The following CDHR4 variants were observed in gnomAD, a reference collection of about 807,000 sequenced individuals.
The protein encoded by CDHR4 is cadherin-related family member 4.
In CDHR4, 89 loss-of-function variants were observed where a neutral mutation model predicts 88.4. The observed-to-expected ratio is 1.01, with a 90% CI of 0.85 to 1.20. The LOEUF (loss-of-function observed/expected upper bound fraction) is 1.20. Among genes scored for constraint, CDHR4 ranks in the 50% most tolerant of loss-of-function variants. CDHR4 has a pLI of 0.00. For synonymous variants in CDHR4, 368 were observed against 399.2 expected, an observed-to-expected ratio of 0.92 and a Z score of 0.93; for missense variants, 914 against 1,007.2, an observed-to-expected ratio of 0.91 and a Z score of 1.25.
In CDHR4 at chr3:49,793,728, G is replaced by A. The variant is rs551873421; in HGVS notation, c.1484-6C>T. On this transcript the variant is annotated splice_region_variant and splice_polypyrimidine_tract_variant and intron_variant, in intron 11 of 18. Transcript: ENST00000412678. ...TCCCAGGAGGTGAACTTCCCCTAGA[G>A]GGGGAGACCACAGCTTCAGCCTGCA... The A allele has an allele frequency of 7.1e-6, 11 of 1,551,566 alleles. No homozygotes were observed. Among genetic ancestry groups the A allele is most frequent in the Middle Eastern group, 1.7e-4 (1 of 6,014 alleles).
chr3:49,794,801 T>C, intron 9 of CDHR4, 100 bp from the exon 10 acceptor site: 1 of 1,426,768 alleles, frequency 7.0e-7, no homozygotes, highest in East Asian at 2.5e-5. Context: ...ATATCTTGCC[T>C]GGATCCTGTT....
chr3:49,794,557 G>A, intron 10 of CDHR4, 51 bp downstream of exon 10: 11 of 1,406,782 alleles, frequency 7.8e-6, no homozygotes, highest in Non-Finnish European at 1.1e-5. Context: ...TGGGAAGCGG[G>A]AGGACAGAAC....
Position 49,795,683 on chromosome 3 carries a change from G to C in CDHR4, c.792C>G (p.Asp264Glu). The change falls in exon 7 of 19, where the codon GAC becomes GAG. Residue 264 changes from aspartate (D) to glutamate (E), a missense_variant. Coordinates refer to ENST00000412678, the MANE Select transcript of CDHR4 (RefSeq NM_001007540.4). This position sits in a 1 kb window ranked among gnomAD's most constrained non-coding sequence, Gnocchi z 5.4. ...CCGGAGACAGGATTTCATAGCGCAG[G>C]TCGACACCCCGGGCCTGGACCTGAA... ...EVVQVQARGV[D>E]LRYEILSPVP... The C allele has an allele frequency of 6.4e-7, 1 of 1,551,652 alleles. No homozygotes were observed. Among genetic ancestry groups the C allele is most frequent in the South Asian group, 1.2e-5 (1 of 84,058 alleles).
chr3:49,793,919 G>A lies in CDHR4; in HGVS notation c.1367C>T (p.Ala456Val), dbSNP rs753808280. ...APRTFRVQEDAAPHTLLGSVV... is the reference protein window; with the variant it reads ...APRTFRVQEDVAPHTLLGSVV... ...GGAGCCCAGTAGAGTGTGGGGCGCC[G>A]CATCCTCCTGAACCCGGAACGTGCG... The change falls in exon 11 of 19, where the codon GCG becomes GTG. Residue 456 changes from alanine (A) to valine (V), a missense_variant. By Grantham distance (64) the Ala-to-Val change is moderately conservative. Coordinates refer to ENST00000412678, the MANE Select transcript of CDHR4 (RefSeq NM_001007540.4). 168 of 1,551,664 alleles carry A rather than the reference G, an allele frequency of 1.1e-4. No individual in the cohort carries two copies. The Middle Eastern group carries it at 1.2e-3, about 11-fold the overall frequency.
chr3:49,795,839 C>A lies in CDHR4; in HGVS notation c.711-75G>T. On this transcript the variant is annotated intron_variant, in intron 6 of 18. Transcript: ENST00000412678. The surrounding 1 kb of genome is among the most constrained non-coding windows in gnomAD (Gnocchi z 5.4). ...GGGTCCACAGCTTCCTTCCCTGGGC[C>A]CCCTCCTGTCAGGGCTGGGACTCAG... The A allele has an allele frequency of 6.5e-7, 1 of 1,534,934 alleles. No homozygotes were observed. The highest frequency in any genetic ancestry group is 8.8e-7 in the Non-Finnish European group (1 of 1,136,940).
chr3:49,792,104 C>A (rs2081188067), intron 15 of CDHR4, 145 bp from the exon 16 acceptor site: 2 of 872,554 alleles, frequency 2.3e-6, no homozygotes. Context: ...TTTCCCTGGG[C>A]TCAGTCCTAT....
chr3:49,791,877 C>T, intron 16 of CDHR4, 26 bp downstream of exon 16: 1 of 1,551,648 alleles, frequency 6.4e-7, no homozygotes, highest in South Asian at 1.2e-5. Flanking sequence ...GGATCCCAGG[C>T]ATAGAAGTAT....
chr3:49,796,514 T>C (rs2081273003), intron 5 of CDHR4, among the ~76,000 whole-genome samples: 1 of 152,236 alleles, frequency 6.6e-6, no homozygotes, highest in South Asian at 2.1e-4. Flanking sequence ...TTTTTGTATT[T>C]TTAGTAGAGA....
chr3:49,795,628 C>T lies in CDHR4; in HGVS notation c.847G>A (p.Ala283Thr), dbSNP rs1345289714. 29 of 1,551,460 alleles carry T rather than the reference C, an allele frequency of 1.9e-5. No homozygotes were observed. The highest frequency in any genetic ancestry group is 2.4e-5 in the Non-Finnish European group (28 of 1,146,944). ...GCCCCCACCCCCCAACACCTCTCAC[C>T]ACGACCAATGGAGAAGAGTGGGCTG... ...VPSPLFSIGR[A>T]DGVVRTTTPL... Residue 283 changes from alanine to threonine, a missense_variant and splice_region_variant, in exon 7 of 19, where the codon GCA becomes ACA. Physicochemically the swap from Ala to Thr is moderately conservative, Grantham distance 58. Transcript: ENST00000412678. The surrounding 1 kb of genome is among the most constrained non-coding windows in gnomAD (Gnocchi z 5.4).
intron 18 of CDHR4, 46 bp from the exon 19 acceptor site, chr3:49,790,933 C>A: frequency 6.8e-7 from 1 of 1,460,032 alleles, no homozygotes; most frequent in East Asian, 2.5e-5. Flanking sequence ...GCTGCTGGCC[C>A]CAGAAGAACT....
rs772080205 is a variant in CDHR4, at chr3:49,793,060, G to T, written c.1789C>A (p.Arg597=). The change falls in exon 14 of 19, where the codon CGA becomes AGA. Residue 597 remains arginine, a synonymous_variant. Transcript: ENST00000412678. ...YSIVGGNSQN[R]FILQGAILVH... ...AGGATGGCCCCTTGCAGGATGAATC[G>T]GTTCTGGCTATTCCCTGAAAGCAGA... 6.4e-7 allele frequency: 1 copy of T among 1,551,222 alleles called. No individual in the cohort carries two copies. Among genetic ancestry groups the T allele is most frequent in the African/African-American group, 1.4e-5 (1 of 73,034 alleles).
At chr3:49,792,371 G>C (rs2081192197) in intron 15 of CDHR4, 97 bp downstream of exon 15, 1 of 1,432,194 alleles carries the variant, frequency 7.0e-7, no homozygotes, top group Non-Finnish European at 9.4e-7. Flanking sequence ...CCACCTACTT[G>C]GGCATTGTCA....
At position 49,791,446 on chromosome 3, in the gene CDHR4, T is replaced by C; in HGVS notation, c.2306A>G (p.Asp769Gly). ...MSLHFDGRAQ[D>G]SRTGRDYLFN... ...TTAGGAAGAGGGGGACTCACGGGAG[T>C]CCTGTGCTCTGCCATCAAAATGCTG... Residue 769 changes from aspartate (D) to glycine (G), a missense_variant, in exon 18 of 19, where the codon GAC becomes GGC. Physicochemically the swap from Asp to Gly is moderately conservative, Grantham distance 94. Coordinates refer to ENST00000412678, the MANE Select transcript of CDHR4 (RefSeq NM_001007540.4). The C allele has an allele frequency of 1.9e-6, 3 of 1,540,874 alleles. No homozygotes were observed. The highest frequency in any genetic ancestry group is 1.7e-6 in the Non-Finnish European group (2 of 1,144,032).
chr3:49,792,690 A>G, intron 14 of CDHR4, 80 bp from the exon 15 acceptor site: 1 of 1,525,212 alleles, frequency 6.6e-7, no homozygotes, highest in South Asian at 1.3e-5. Flanking sequence ...CCCCGGGCTA[A>G]GCCACCCCAC....
intron 14 of CDHR4, 96 bp downstream of exon 14, chr3:49,792,758 A>G: frequency 6.9e-7 from 1 of 1,455,558 alleles, no homozygotes; most frequent in Non-Finnish European, 9.2e-7. Context: ...TTCCCTCTGA[A>G]CTGCCTTCCC....
At chr3:49,802,903 C>G (rs748692659), upstream of CDHR4, among the ~76,000 whole-genome samples, 1 of 152,362 alleles carries the variant, frequency 6.6e-6, no homozygotes, top group Admixed American at 6.5e-5. Flanking sequence ...GGTCAGGCCC[C>G]GAGGGTCCAC....
chr3:49,792,049 G>GTT, intron 15 of CDHR4, 90 bp from the exon 16 acceptor site: 1 of 1,316,036 alleles, frequency 7.6e-7, no homozygotes, highest in Non-Finnish European at 1.1e-6. Flanking sequence ...CTTTATATTG[G>GTT]GAACAACCAA....
Position 49,799,256 on chromosome 3 carries a change from A to G in CDHR4, c.231T>C (p.Tyr77=). ...GTACACATGACCCTACCTTGCCCAC[A>G]TAGGTCCCTTGCCACCTGGCCAAGC... ...PPSLARWQGT[Y]VGKLTLSSSA... The change falls in exon 2 of 19, where the codon TAT becomes TAC. Residue 77 remains tyrosine, a synonymous_variant. Transcript: ENST00000412678. The G allele has an allele frequency of 1.2e-6, 2 of 1,613,690 alleles. No homozygotes were observed. Among genetic ancestry groups the G allele is most frequent in the Non-Finnish European group, 8.5e-7 (1 of 1,179,670 alleles).
chr3:49,800,250 G>T (rs1232943579), upstream of CDHR4, among the ~76,000 whole-genome samples: 1 of 152,140 alleles, frequency 6.6e-6, no homozygotes, highest in Non-Finnish European at 1.5e-5. Flanking sequence ...AACTTGCTGG[G>T]TGTGGCGGCT....
Sources: gnomAD v4.1 joint callset for allele counts (sites outside exome capture counted in the v4.1 genomes callset) on GRCh38, gnomAD v4.1.1 for gene constraint, Gnocchi (gnomAD v3.1) non-coding constraint, MANE v1.5 for transcripts, NCBI Gene and HGNC (gene_info 2026-07-23, HGNC 2026-07-21) for gene names.